ASCC1: variants seen among roughly 807,000 people sequenced by gnomAD.
ASCC1 encodes activating signal cointegrator 1 complex subunit 1, also known as ASC-1 complex subunit P50.
A neutral mutation model predicts 46.6 loss-of-function variants in ASCC1; 35 were observed. The ratio of observed to expected loss-of-function variants is 0.75; its 90% CI spans 0.57 to 0.99. The LOEUF (loss-of-function observed/expected upper bound fraction) is 0.99. Ranked by LOEUF, ASCC1 falls within the 50% of genes least tolerant of loss-of-function variation. ASCC1 has a pLI of 0.00. For synonymous variants in ASCC1, 143 were observed against 146.6 expected (o/e 0.98, Z 0.18); for missense variants, 376 against 428.7 (o/e 0.88, Z 1.09).
intron 5 of ASCC1, among the ~76,000 whole-genome samples, chr10:72,169,857 C>T (rs1335633170): frequency 1.3e-5 from 2 of 152,172 alleles, no homozygotes; most frequent in African/African-American, 4.8e-5. Flanking sequence ...TGGTGGCTCA[C>T]GCCTGTAATC....
chr10:72,166,771 C>G (rs1564682584), intron 5 of ASCC1, among the ~76,000 whole-genome samples: 1 of 151,868 alleles, frequency 6.6e-6, no homozygotes, highest in Non-Finnish European at 1.5e-5. Context: ...TTAAAATAAG[C>G]TAAAGATTTG....
At chr10:72,195,104 T>C (rs111719573) in intron 5 of ASCC1, among the ~76,000 whole-genome samples, 11 of 151,472 alleles carry the variant, frequency 7.3e-5, no homozygotes, top group African/African-American at 2.4e-4. Context: ...AAGTAGGTTT[T>C]GTGGGTTTTT....
At chr10:72,139,706 TGC>T (rs1846735604) in intron 7 of ASCC1, among the ~76,000 whole-genome samples, 1 of 152,218 alleles carries the variant, frequency 6.6e-6, no homozygotes. Flanking sequence ...AAGGAGTTTG[TGC>T]TGCAGAATGA....
chr10:72,196,779 T>G (rs1384176090), intron 5 of ASCC1, 32 bp downstream of exon 5: 3 of 1,592,304 alleles, frequency 1.9e-6, no homozygotes, highest in East Asian at 4.5e-5. Flanking sequence ...ATTTAACTTT[T>G]TTTTTAACCT....
At chr10:72,126,237 T>TAA (rs1844849744) in intron 9 of ASCC1, among the ~76,000 whole-genome samples, 1 of 152,226 alleles carries the variant, frequency 6.6e-6, no homozygotes, top group African/African-American at 2.4e-5. Context: ...GGCAAGTCAC[T>TAA]TTACCTTAGT....
chr10:72,160,779 A>AT (rs1191033011), intron 6 of ASCC1, among the ~76,000 whole-genome samples: 24 of 136,048 alleles, frequency 1.8e-4, no homozygotes, highest in African/African-American at 6.9e-4. Context: ...AATTATTTGT[A>AT]TTAAAAAAAA....
chr10:72,161,779 A>G (rs1442626076), intron 5 of ASCC1, 105 bp from the exon 6 acceptor site: 1 of 1,373,758 alleles, frequency 7.3e-7, no homozygotes, highest in Non-Finnish European at 1.0e-6. Flanking sequence ...CAGCCAAGTG[A>G]TTTTCCACAA....
intron 9 of ASCC1, among the ~76,000 whole-genome samples, chr10:72,107,227 A>T (rs1403901876): frequency 6.6e-6 from 1 of 152,092 alleles, no homozygotes; most frequent in Non-Finnish European, 1.5e-5. Context: ...ATGTCATGTT[A>T]CTAATCTCAC....
chr10:72,202,097 T>C lies in ASCC1; in HGVS notation c.310+1330A>G, dbSNP rs150547309. On this transcript the variant is annotated intron_variant, in intron 4 of 9. Transcript: ENST00000672957. ...AAATCCTGTCTGGATAAAAAATAAATAAAAATTTTTAAATGAAAAAAGAAA... is the reference window on the plus strand; with the variant it reads ...AAATCCTGTCTGGATAAAAAATAAACAAAAATTTTTAAATGAAAAAAGAAA... Among the ~76,000 whole-genome samples the C allele has an allele frequency of 1.3e-3, 196 of 151,488 alleles. 1 individual carries two copies. Among genetic ancestry groups the C allele is most frequent in the South Asian group, 3.5e-3 (17 of 4,800 alleles).
intron 9 of ASCC1, among the ~76,000 whole-genome samples, chr10:72,105,291 TG>T (rs1365028126): frequency 1.3e-5 from 2 of 152,192 alleles, no homozygotes; most frequent in Non-Finnish European, 2.9e-5. Flanking sequence ...ACATGCCCTC[TG>T]GGGCTTTGGG....
intron 9 of ASCC1, among the ~76,000 whole-genome samples, chr10:72,110,214 G>C (rs1405836885): frequency 6.6e-6 from 1 of 152,182 alleles, no homozygotes; most frequent in East Asian, 1.9e-4. Flanking sequence ...TATTCATAAT[G>C]GTCCCTCAAA....
intron 5 of ASCC1, among the ~76,000 whole-genome samples, chr10:72,171,677 A>G (rs1851103873): frequency 6.6e-6 from 1 of 152,140 alleles, no homozygotes. Context: ...TCGGCCTCCC[A>G]AAGTGCTGGG....
intron 9 of ASCC1, among the ~76,000 whole-genome samples, chr10:72,117,787 C>T (rs1444586010): frequency 6.6e-6 from 1 of 152,144 alleles, no homozygotes; most frequent in Non-Finnish European, 1.5e-5. Context: ...GCCAACTGAA[C>T]TGCAGTTTGT....
chr10:72,133,161 C>T lies in ASCC1; in HGVS notation c.767G>A (p.Arg256Gln). 5.6e-6 allele frequency: 9 copies of T among 1,614,042 alleles called. No homozygotes were observed. The highest frequency in any genetic ancestry group is 2.2e-5 in the East Asian group (1 of 44,876). ...AGATGCCTGAAAACGTTCCAGCACT[C>T]GATCAACTAATTCTTGTAGCCTGGA... ...GSNRLQELVDRVLERFQASGL... is the reference protein window; with the variant it reads ...GSNRLQELVDQVLERFQASGL... The change falls in exon 8 of 10, where the codon CGA becomes CAA. Residue 256 changes from arginine (R) to glutamine (Q), a missense_variant. Physicochemically the swap from Arg to Gln is conservative, Grantham distance 43. Transcript: ENST00000672957.
intron 5 of ASCC1, among the ~76,000 whole-genome samples, chr10:72,188,585 A>G (rs1853873518): frequency 6.6e-6 from 1 of 152,194 alleles, no homozygotes; most frequent in Non-Finnish European, 1.5e-5. Context: ...AGATCTTGTA[A>G]AAGTTTTCAC....
chr10:72,130,091 G>A (rs1845415628), intron 8 of ASCC1, among the ~76,000 whole-genome samples: 1 of 151,838 alleles, frequency 6.6e-6, no homozygotes, highest in South Asian at 2.1e-4. Flanking sequence ...AGTGAAAGCA[G>A]CCAGCCACAA....
chr10:72,096,904 G>A lies in ASCC1; in HGVS notation c.*430C>T. 2.2e-6 allele frequency: 1 copy of A among 454,148 alleles called. No homozygotes were observed. Among genetic ancestry groups the A allele is most frequent in the Non-Finnish European group, 4.4e-6 (1 of 226,830 alleles). The allele number at this position is 454,148 out of a possible 1,614,324, so 28.1% of individuals were successfully genotyped here. ...AAGCAGAATGGTGGCTGCGGGGGCT[G>A]GGAGGAGTGGGAATTACTGTTTAAT... On this transcript the variant is annotated 3_prime_UTR_variant, in exon 10 of 10. Coordinates refer to ENST00000672957, the MANE Select transcript of ASCC1 (RefSeq NM_001198800.3).
intron 8 of ASCC1, among the ~76,000 whole-genome samples, chr10:72,130,361 C>T (rs1845445369): frequency 6.6e-6 from 1 of 151,974 alleles, no homozygotes; most frequent in Non-Finnish European, 1.5e-5. Flanking sequence ...ATATATATAT[C>T]AAGAGAGTAA....
chr10:72,114,032 A>G (rs1472947583), intron 9 of ASCC1, among the ~76,000 whole-genome samples: 2 of 152,230 alleles, frequency 1.3e-5, no homozygotes, highest in Non-Finnish European at 2.9e-5. Flanking sequence ...TTTTATTAAT[A>G]CCTTCTGTAA....
Sources: gnomAD v4.1 joint callset for allele counts (sites outside exome capture counted in the v4.1 genomes callset) on GRCh38, gnomAD v4.1.1 for gene constraint, MANE v1.5 for transcripts, NCBI Gene and HGNC (gene_info 2026-07-23, HGNC 2026-07-21) for gene names.